CCR5AS: variants seen among roughly 807,000 people sequenced by gnomAD.
CCR5AS encodes CCR5 antisense RNA.
At chr3:46,384,961 G>C (rs527263869) in intron 2 of CCR5AS, among the ~76,000 whole-genome samples, 2 of 152,242 alleles carry the variant, frequency 1.3e-5, no homozygotes, top group Non-Finnish European at 2.9e-5. Context: ...GTCTGGCTGC[G>C]TGCATGCATT....
At chr3:46,394,199 C>T (rs1399334596) in intron 1 of CCR5AS, among the ~76,000 whole-genome samples, 1 of 152,202 alleles carries the variant, frequency 6.6e-6, no homozygotes, top group East Asian at 1.9e-4. Flanking sequence ...AGGAATGCAC[C>T]TCAACATCCT....
At chr3:46,391,705 G>C (rs1701915580) in intron 2 of CCR5AS, among the ~76,000 whole-genome samples, 1 of 152,212 alleles carries the variant, frequency 6.6e-6, no homozygotes, top group Admixed American at 6.5e-5. Flanking sequence ...GGGAGGGCTA[G>C]TTGTGGAACG....
intron 2 of CCR5AS, among the ~76,000 whole-genome samples, chr3:46,392,182 G>A (rs543077955): frequency 2.0e-5 from 3 of 152,306 alleles, no homozygotes; most frequent in Non-Finnish European, 4.4e-5. Flanking sequence ...AAAGAATGTT[G>A]TCCAAGTCCA....
At chr3:46,399,069 A>G (rs1206532843) in intron 1 of CCR5AS, among the ~76,000 whole-genome samples, 2 of 152,200 alleles carry the variant, frequency 1.3e-5, no homozygotes, top group African/African-American at 4.8e-5. Context: ...CATCTACACT[A>G]CACTGTCATC....
intron 2 of CCR5AS, among the ~76,000 whole-genome samples, chr3:46,391,804 G>A (rs1380028723): frequency 2.0e-5 from 3 of 152,108 alleles, no homozygotes; most frequent in Non-Finnish European, 2.9e-5. Context: ...ATTGGGACCT[G>A]GCTAGGCCTA....
rs1473991465 is a variant in CCR5AS at position 46,376,094 on chromosome 3, G to C, written n.392-4677C>G. 5 of 166,980 alleles carry C rather than the reference G, an allele frequency of 3.0e-5. No individual in the cohort carries two copies. In the Admixed American group the frequency reaches 3.3e-4, roughly 11 times the overall value. The allele number at this position is 166,980 out of a possible 1,614,324, so 10.3% of individuals were successfully genotyped here. Reference sequence around the variant, plus strand: ...CAGTAGCATAGGACCCTACCCTCTGGGCCAAGTCAAAGACATTCTGACATC... The same window carrying C: ...CAGTAGCATAGGACCCTACCCTCTGCGCCAAGTCAAAGACATTCTGACATC... On this transcript the variant is annotated intron_variant and non_coding_transcript_variant, in intron 2 of 3. Coordinates refer to ENST00000451485, the Ensembl canonical transcript of CCR5AS.
intron 3 of CCR5AS, among the ~76,000 whole-genome samples, chr3:46,367,413 A>G (rs1415490773): frequency 6.6e-6 from 1 of 151,962 alleles, no homozygotes; most frequent in Non-Finnish European, 1.5e-5. Flanking sequence ...TATGCATGAG[A>G]ACAATTAATC....
At chr3:46,379,425 C>T (rs541525773) in intron 2 of CCR5AS, among the ~76,000 whole-genome samples, 5 of 152,098 alleles carry the variant, frequency 3.3e-5, no homozygotes, top group African/African-American at 9.6e-5. Context: ...ACATATACAC[C>T]ATGGTAAATT....
intron 2 of CCR5AS, among the ~76,000 whole-genome samples, chr3:46,384,231 T>C (rs956675462): frequency 1.3e-5 from 2 of 152,236 alleles, no homozygotes; most frequent in African/African-American, 4.8e-5. Flanking sequence ...CCAGGTGTGA[T>C]GTTTACATAG....
At position 46,376,377 on chromosome 3, in the gene CCR5AS, A is replaced by T. The variant is rs142076881; in HGVS notation, n.392-4960T>A. ...TTGTATTTTCTTTTAAATAATTTTT[A>T]AAATTGACCCTTTTCCTGAGACAAA... On this transcript the variant is annotated intron_variant and non_coding_transcript_variant, in intron 2 of 3. Coordinates refer to ENST00000451485, the Ensembl canonical transcript of CCR5AS. Among the ~76,000 whole-genome samples the T allele has an allele frequency of 3.1e-3, 476 of 152,292 alleles. 5 individuals are homozygous for T. Among genetic ancestry groups the T allele is most frequent in the East Asian group, 0.03 (153 of 5,186 alleles).
At chr3:46,393,390 CA>C (rs1305017085) in intron 1 of CCR5AS, among the ~76,000 whole-genome samples, 1 of 145,940 alleles carries the variant, frequency 6.9e-6, no homozygotes, top group East Asian at 2.0e-4. Context: ...AGCTTGGACT[CA>C]GAGGCCTGAC....
At chr3:46,379,427 T>C (rs554834257) in intron 2 of CCR5AS, among the ~76,000 whole-genome samples, 3 of 152,220 alleles carry the variant, frequency 2.0e-5, no homozygotes, top group South Asian at 2.1e-4. Flanking sequence ...ATATACACCA[T>C]GGTAAATTTC....
chr3:46,399,166 G>A (rs1701986169), intron 1 of CCR5AS, among the ~76,000 whole-genome samples: 1 of 152,120 alleles, frequency 6.6e-6, no homozygotes, highest in African/African-American at 2.4e-5. Flanking sequence ...TTCAGCTTGG[G>A]AATCTCTAAA....
At chr3:46,377,187 A>G (rs939295576) in intron 2 of CCR5AS, among the ~76,000 whole-genome samples, 1 of 152,166 alleles carries the variant, frequency 6.6e-6, no homozygotes, top group African/African-American at 2.4e-5. Flanking sequence ...ATCTTATTAA[A>G]TGTCTTCCAA....
At chr3:46,400,673 C>A (rs1348522168) in intron 1 of CCR5AS, among the ~76,000 whole-genome samples, 1 of 152,138 alleles carries the variant, frequency 6.6e-6, no homozygotes, top group African/African-American at 2.4e-5. Context: ...ACTTGGGCAC[C>A]AGATGGGGGT....
intron 1 of CCR5AS, among the ~76,000 whole-genome samples, chr3:46,395,921 G>A (rs1235219826): frequency 6.6e-6 from 1 of 152,190 alleles, no homozygotes; most frequent in Non-Finnish European, 1.5e-5. Context: ...GTAGGAGCTG[G>A]CTCCAGTCAA....
At chr3:46,399,543 G>C (rs932331068) in intron 1 of CCR5AS, among the ~76,000 whole-genome samples, 4 of 152,162 alleles carry the variant, frequency 2.6e-5, no homozygotes, top group Non-Finnish European at 4.4e-5. Context: ...ACAGATCTGA[G>C]CATTTAAAAA....
At chr3:46,379,537 A>G (rs1303409746) in intron 2 of CCR5AS, among the ~76,000 whole-genome samples, 1 of 152,174 alleles carries the variant, frequency 6.6e-6, no homozygotes, top group Non-Finnish European at 1.5e-5. Context: ...GAGCGAGGTC[A>G]GATATAAAGA....
intron 2 of CCR5AS, among the ~76,000 whole-genome samples, chr3:46,388,411 G>A (rs565328555): frequency 2.4e-4 from 37 of 152,116 alleles, no homozygotes; most frequent in African/African-American, 3.4e-4. Flanking sequence ...GAAACTAAAC[G>A]GAAGACACAA....
Sources: allele counts gnomAD v4.1 joint callset (sites outside exome capture counted in the v4.1 genomes callset), GRCh38; gene constraint gnomAD v4.1.1; transcripts MANE v1.5; gene names NCBI Gene and HGNC (gene_info 2026-07-23, HGNC 2026-07-21).